The following NEGR1 variants were observed in gnomAD, a reference collection of about 807,000 sequenced individuals.
NEGR1 encodes IgLON family member 4.
NEGR1 carries 10 observed loss-of-function variants against 40.9 expected under a neutral mutation model. The observed-to-expected ratio is 0.24, with a 90% CI of 0.15 to 0.42. The LOEUF is 0.42. NEGR1 is among the 10% of genes least tolerant of loss of function. NEGR1 has a pLI of 1.00. For missense variants in NEGR1, 352 were observed against 438.9 expected (o/e 0.80, Z 1.77); for synonymous variants, 185 against 166.8 (o/e 1.11, Z -0.84).
At chr1:72,060,411 C>A (rs977467008) in intron 1 of NEGR1, among the ~76,000 whole-genome samples, 1 of 151,626 alleles carries the variant, frequency 6.6e-6, no homozygotes, top group South Asian at 2.1e-4. Context: ...TATTTCCCCC[C>A]GAAGGGTACA....
At position 71,402,265 on chromosome 1, in the gene NEGR1, T is replaced by A. The variant is rs755776159; in HGVS notation, c.*5181A>T. On this transcript the variant is annotated 3_prime_UTR_variant, in exon 7 of 7. Coordinates refer to ENST00000357731, the MANE Select transcript of NEGR1 (RefSeq NM_173808.3). ...TTTCTCCTTTAAGTATTTGAAAGTGTTGAGAAAGCCACAATAGCAACACTT... is the reference window on the plus strand; with the variant it reads ...TTTCTCCTTTAAGTATTTGAAAGTGATGAGAAAGCCACAATAGCAACACTT... 15 of 152,172 alleles carry A rather than the reference T, an allele frequency of 9.9e-5. No homozygotes were observed. The highest frequency in any genetic ancestry group is 2.1e-4 in the Non-Finnish European group (14 of 68,024). 9.4% of individuals were successfully genotyped at this position (152,172 alleles called of 1,614,324 possible). A position where few individuals can be genotyped will look rare whatever the true frequency, so the allele number is the denominator to read the frequency against.
chr1:72,205,395 G>C (rs902849539), intron 1 of NEGR1, among the ~76,000 whole-genome samples: 1 of 151,550 alleles, frequency 6.6e-6, no homozygotes, highest in Non-Finnish European at 1.5e-5. Flanking sequence ...TTTATCTAGA[G>C]ATTGCCTTGG....
intron 4 of NEGR1, among the ~76,000 whole-genome samples, chr1:71,684,203 G>A (rs1330852421): frequency 6.6e-6 from 1 of 152,012 alleles, no homozygotes; most frequent in Non-Finnish European, 1.5e-5. Context: ...CCGGGAGGGC[G>A]GAGCTTGCAG....
chr1:71,830,801 G>A (rs1015184266), intron 2 of NEGR1, among the ~76,000 whole-genome samples: 24 of 151,694 alleles, frequency 1.6e-4, no homozygotes, highest in Admixed American at 5.9e-4. Flanking sequence ...TCAATCATTC[G>A]TTCAGTAGAT....
chr1:72,208,123 A>G (rs1357516339), intron 1 of NEGR1, among the ~76,000 whole-genome samples: 1 of 151,710 alleles, frequency 6.6e-6, no homozygotes, highest in Non-Finnish European at 1.5e-5. Flanking sequence ...GTACACATTA[A>G]AGAATGTATG....
rs192545754 is a variant in NEGR1 at position 71,532,963 on chromosome 1, A to G, written c.940+59854T>C. On this transcript the variant is annotated intron_variant, in intron 6 of 6. Coordinates refer to ENST00000357731, the MANE Select transcript of NEGR1 (RefSeq NM_173808.3). ...AACATTTTGTGTATTAATCATACAT[A>G]AAAGACAAACACTCATGAGACAATC... is the stretch of plus-strand genomic sequence containing the variant. Among the ~76,000 whole-genome samples, 6 of 151,760 alleles carry G rather than the reference A, an allele frequency of 4.0e-5. No individual in the cohort carries two copies. The East Asian group carries it at 7.8e-4, about 20-fold the overall frequency.
At chr1:71,931,051 C>A (rs1359205423) in intron 2 of NEGR1, among the ~76,000 whole-genome samples, 1 of 152,150 alleles carries the variant, frequency 6.6e-6, no homozygotes, top group Non-Finnish European at 1.5e-5. Context: ...ACTACACTCC[C>A]AGGTTCTAGA....
intron 5 of NEGR1, among the ~76,000 whole-genome samples, chr1:71,609,630 A>T (rs1397472382): frequency 6.7e-6 from 1 of 148,828 alleles, no homozygotes; most frequent in Non-Finnish European, 1.5e-5. Flanking sequence ...GTCTTCCACA[A>T]ATCTTTTGAT....
At chr1:71,504,645 A>T (rs138478493) in intron 6 of NEGR1, among the ~76,000 whole-genome samples, 153 of 152,310 alleles carry the variant, frequency 1.0e-3, no homozygotes, top group Middle Eastern at 3.4e-3. Flanking sequence ...CGAGGAAGAA[A>T]ACGTAACGTT....
chr1:71,505,703 G>C (rs1391617092), intron 6 of NEGR1, among the ~76,000 whole-genome samples: 1 of 152,246 alleles, frequency 6.6e-6, no homozygotes, highest in East Asian at 1.9e-4. Context: ...CCTTTAAATG[G>C]GAAAAATCCT....
intron 1 of NEGR1, chr1:72,101,028 C>G (rs1288595414): frequency 1.3e-5 from 2 of 152,148 alleles, no homozygotes; most frequent in Non-Finnish European, 2.9e-5. Flanking sequence ...TCATCTAACC[C>G]TACTTATCTG....
At chr1:71,462,321 TG>T (rs561993495) in intron 6 of NEGR1, among the ~76,000 whole-genome samples, 28 of 152,212 alleles carry the variant, frequency 1.8e-4, no homozygotes, top group Non-Finnish European at 3.1e-4. Context: ...AGCTGGTATT[TG>T]GGAAATTCAA....
intron 1 of NEGR1, among the ~76,000 whole-genome samples, chr1:72,186,980 T>A (rs1427594338): frequency 6.6e-6 from 1 of 151,588 alleles, no homozygotes; most frequent in African/African-American, 2.4e-5. Context: ...ATTTTTCTCT[T>A]CAAAAGGGGG....
chr1:71,838,698 T>C (rs1167262510), intron 2 of NEGR1, among the ~76,000 whole-genome samples: 2 of 152,116 alleles, frequency 1.3e-5, no homozygotes, highest in African/African-American at 4.8e-5. Flanking sequence ...ATGCAGTTGG[T>C]TGTTAATAAC....
chr1:71,792,819 C>T (rs1657165047), intron 2 of NEGR1, among the ~76,000 whole-genome samples: 1 of 151,936 alleles, frequency 6.6e-6, no homozygotes, highest in Non-Finnish European at 1.5e-5. Context: ...TGAAAGGGGG[C>T]ATTAAACAAA....
intron 4 of NEGR1, among the ~76,000 whole-genome samples, chr1:71,630,166 A>G (rs1433481432): frequency 6.6e-6 from 1 of 152,008 alleles, no homozygotes; most frequent in Non-Finnish European, 1.5e-5. Flanking sequence ...AATCTTTGTT[A>G]TTAGCTGAAT....
intron 5 of NEGR1, among the ~76,000 whole-genome samples, chr1:71,600,296 T>C (rs554785410): frequency 1.3e-5 from 2 of 152,160 alleles, no homozygotes; most frequent in Non-Finnish European, 2.9e-5. Flanking sequence ...GGGGACATGA[T>C]AGTGAACAAG....
chr1:72,170,143 T>G (rs904439171), intron 1 of NEGR1, among the ~76,000 whole-genome samples: 1 of 152,170 alleles, frequency 6.6e-6, no homozygotes, highest in Non-Finnish European at 1.5e-5. Flanking sequence ...GATAGTTCTG[T>G]GTTCCTCCAC....
Position 71,398,542 on chromosome 1 carries a change from A to T in NEGR1, c.*8904T>A, listed in dbSNP as rs1299703587. Reference sequence around the variant, plus strand: ...ATGCTTACCCAATGCCTGTACTTCCATTGCATCTAGGAAGTAACTAACTTG... The same window carrying T: ...ATGCTTACCCAATGCCTGTACTTCCTTTGCATCTAGGAAGTAACTAACTTG... On this transcript the variant is annotated 3_prime_UTR_variant, in exon 7 of 7. Coordinates refer to ENST00000357731, the MANE Select transcript of NEGR1 (RefSeq NM_173808.3). 6.6e-5 allele frequency: 10 copies of T among 152,250 alleles called. No homozygotes were observed. Among genetic ancestry groups the T allele is most frequent in the African/African-American group, 1.2e-4 (5 of 41,458 alleles). The allele number at this position is 152,250 out of a possible 1,614,324, so 9.4% of individuals were successfully genotyped here.
Sources: gnomAD v4.1 joint callset for allele counts (sites outside exome capture counted in the v4.1 genomes callset) on GRCh38, gnomAD v4.1.1 for gene constraint, MANE v1.5 for transcripts, NCBI Gene and HGNC (gene_info 2026-07-23, HGNC 2026-07-21) for gene names.